Variants in ZNF253 observed in about 807,000 individuals in gnomAD.
ZNF253 encodes the protein DNA-binding protein.
A neutral mutation model predicts 11.9 loss-of-function variants in ZNF253; 8 were observed. The ratio of observed to expected loss-of-function variants is 0.67; its 90% CI spans 0.40 to 1.22. ZNF253 has a LOEUF of 1.22. ZNF253 is among the 50% of genes most tolerant of loss of function. ZNF253 has a pLI of 0.01. For synonymous variants in ZNF253, 194 were observed against 194.9 expected (o/e 1.00, Z 0.04); for missense variants, 485 against 586.9 (o/e 0.83, Z 1.79).
At chr19:19,882,192 TA>T (rs57408628) in intron 3 of ZNF253, among the ~76,000 whole-genome samples, 62,731 of 135,928 alleles carry the variant, frequency 0.46, 17,641 homozygotes, top group African/African-American at 0.81. Context: ...TCCGTCTCAA[TA>T]AAAAAAAAAA....
At chr19:19,890,529 T>C (rs1433165390) in intron 3 of ZNF253, among the ~76,000 whole-genome samples, 1 of 151,230 alleles carries the variant, frequency 6.6e-6, no homozygotes, top group Non-Finnish European at 1.5e-5. Context: ...TGTGTGTGTG[T>C]GTGTGTGTGT....
intron 3 of ZNF253, among the ~76,000 whole-genome samples, chr19:19,880,734 G>A (rs1048162885): frequency 1.3e-5 from 2 of 150,026 alleles, no homozygotes; most frequent in Non-Finnish European, 3.0e-5. Flanking sequence ...AGAATGAGAG[G>A]CTGCACAGTC....
chr19:19,874,292 G>A (rs529398055), intron 1 of ZNF253, among the ~76,000 whole-genome samples: 7 of 152,214 alleles, frequency 4.6e-5, no homozygotes, highest in East Asian at 3.9e-4. Flanking sequence ...TTGGGAGGCC[G>A]AAGCGGGCAG....
intron 3 of ZNF253, among the ~76,000 whole-genome samples, chr19:19,885,287 CTTTCTCTTTCTT>C (rs2063198109): frequency 2.7e-5 from 1 of 37,030 alleles, no homozygotes; most frequent in African/African-American, 2.6e-4. Context: ...TTCTTTCTTT[CTTTCTCTTTCTT>C]TTCTTTCTTT....
chr19:19,879,108 A>C (rs2063167088), intron 2 of ZNF253, among the ~76,000 whole-genome samples: 1 of 152,194 alleles, frequency 6.6e-6, no homozygotes, highest in South Asian at 2.1e-4. Flanking sequence ...TCCACTATGT[A>C]CCAAATAGTA....
At chr19:19,886,048 A>G (rs973051849) in intron 3 of ZNF253, among the ~76,000 whole-genome samples, 7 of 152,198 alleles carry the variant, frequency 4.6e-5, no homozygotes, top group African/African-American at 7.2e-5. Context: ...GCTGGAGTGC[A>G]GTAGCATAAT....
chr19:19,879,492 A>G (rs191497144), intron 2 of ZNF253, among the ~76,000 whole-genome samples: 1,490 of 119,034 alleles, frequency 0.013, 14 homozygotes, highest in South Asian at 0.036. Context: ...AAGACAAAGC[A>G]AAGCATCAAC....
At chr19:19,881,994 G>A (rs2063179884) in intron 3 of ZNF253, among the ~76,000 whole-genome samples, 1 of 152,040 alleles carries the variant, frequency 6.6e-6, no homozygotes, top group African/African-American at 2.4e-5. Context: ...TTCGAGACAA[G>A]CCTGACCAAT....
intron 3 of ZNF253, among the ~76,000 whole-genome samples, chr19:19,890,832 ATTTTTTTTT>A (rs770757608): frequency 2.6e-5 from 2 of 76,836 alleles, no homozygotes; most frequent in African/African-American, 6.8e-5. Context: ...CAACAATTTA[ATTTTTTTTT>A]TTTTTTTTTT....
chr19:19,880,433 G>C (rs914945434), intron 3 of ZNF253, among the ~76,000 whole-genome samples: 1 of 152,032 alleles, frequency 6.6e-6, no homozygotes, highest in Non-Finnish European at 1.5e-5. Flanking sequence ...GGCTAGGAGT[G>C]GTGGCTCACC....
rs2063158889 is a variant in ZNF253, at chr19:19,877,093, C to T, written c.4-1388C>T. On this transcript the variant is annotated intron_variant, in intron 1 of 3. Coordinates refer to ENST00000589717, the MANE Select transcript of ZNF253 (RefSeq NM_021047.3). ...AGATGGAGAACATGTAATGTTGAGGCTCCATCTGTGTGTTCCATTAGCTCT... is the reference window on the plus strand; with the variant it reads ...AGATGGAGAACATGTAATGTTGAGGTTCCATCTGTGTGTTCCATTAGCTCT... Among the ~76,000 whole-genome samples the T allele has an allele frequency of 2.0e-5, 3 of 152,176 alleles. No homozygotes were observed. In the South Asian group the frequency reaches 6.2e-4, roughly 32 times the overall value.
rs980614700 is a variant in ZNF253 at position 19,894,457 on chromosome 19, A to G, written c.*1710A>G. 6.6e-6 allele frequency: 1 copy of G among 152,202 alleles called. No homozygotes were observed. Among genetic ancestry groups the G allele is most frequent in the East Asian group, 1.9e-4 (1 of 5,200 alleles). 9.4% of individuals were successfully genotyped at this position (152,202 alleles called of 1,614,324 possible). ...AAAATGTAAGATGCATGATGAAAAT[A>G]TAAGTGGAGAGGCTCTTTGTAGTTA... On this transcript the variant is annotated 3_prime_UTR_variant, in exon 4 of 4. Coordinates refer to ENST00000589717, the MANE Select transcript of ZNF253 (RefSeq NM_021047.3).
chr19:19,867,052 T>C (rs1036664480), intron 1 of ZNF253, among the ~76,000 whole-genome samples: 1 of 152,094 alleles, frequency 6.6e-6, no homozygotes, highest in African/African-American at 2.4e-5. Flanking sequence ...CTATTAAAAA[T>C]TTATGGGGCC....
At chr19:19,874,743 C>T (rs983680919) in intron 1 of ZNF253, among the ~76,000 whole-genome samples, 2 of 152,116 alleles carry the variant, frequency 1.3e-5, no homozygotes, top group Non-Finnish European at 2.9e-5. Context: ...AACCCCGTCT[C>T]TACTAAAAAT....
intron 1 of ZNF253, among the ~76,000 whole-genome samples, chr19:19,867,148 C>G (rs1237636148): frequency 6.6e-6 from 1 of 152,132 alleles, no homozygotes. Flanking sequence ...GAAGACCAGC[C>G]TGGCCAAAAT....
intron 1 of ZNF253, among the ~76,000 whole-genome samples, chr19:19,872,828 T>G (rs1035134336): frequency 1.3e-5 from 2 of 151,860 alleles, no homozygotes; most frequent in Admixed American, 1.3e-4. Flanking sequence ...TCATGTAGAC[T>G]TACCATTTAG....
At chr19:19,874,396 C>T (rs1477195865) in intron 1 of ZNF253, among the ~76,000 whole-genome samples, 5 of 151,986 alleles carry the variant, frequency 3.3e-5, no homozygotes, top group Non-Finnish European at 7.4e-5. Context: ...TGGCGGCACA[C>T]GCTTGTAGTT....
chr19:19,872,950 T>G lies in ZNF253; in HGVS notation c.4-5531T>G, dbSNP rs568408331. ...ATCCTACCTAGAATCTGCAGATAAGTTCTGGCCTCTACCACAGATTTACAA... is the reference window on the plus strand; with the variant it reads ...ATCCTACCTAGAATCTGCAGATAAGGTCTGGCCTCTACCACAGATTTACAA... On this transcript the variant is annotated intron_variant, in intron 1 of 3. Transcript: ENST00000589717. Among the ~76,000 whole-genome samples, 57 of 152,174 alleles carry G rather than the reference T, an allele frequency of 3.7e-4. 1 individual carries two copies. In the South Asian group the frequency reaches 0.012, roughly 32 times the overall value.
intron 3 of ZNF253, among the ~76,000 whole-genome samples, chr19:19,890,498 T>TTGTGTGTGTGTGTGTGTG (rs35114806): frequency 2.8e-5 from 4 of 141,044 alleles, no homozygotes; most frequent in African/African-American, 7.9e-5. Context: ...CAATTTATAT[T>TTGTGTGTGTGTGTGTGTG]TGTGTGTGTG....
Sources: allele counts gnomAD v4.1 joint callset (sites outside exome capture counted in the v4.1 genomes callset), GRCh38; gene constraint gnomAD v4.1.1; transcripts MANE v1.5; gene names NCBI Gene and HGNC (gene_info 2026-07-23, HGNC 2026-07-21).